NLN: variants seen among roughly 807,000 people sequenced by gnomAD.
The protein encoded by NLN is neurolysin.
NLN carries 64 observed loss-of-function variants against 79.9 expected under a neutral mutation model. That is an observed-to-expected ratio of 0.80 (90% CI 0.65 to 0.99). The LOEUF (loss-of-function observed/expected upper bound fraction) is 0.99. Among genes scored for constraint, NLN ranks in the 50% least tolerant of loss-of-function variants. The pLI is 0.00. For synonymous variants in NLN, 267 were observed against 296.6 expected (o/e 0.90, Z 1.02); for missense variants, 835 against 858.7 (o/e 0.97, Z 0.34).
chr5:65,780,631 T>C (rs1318776856), intron 5 of NLN, among the ~76,000 whole-genome samples: 1 of 152,132 alleles, frequency 6.6e-6, no homozygotes, highest in African/African-American at 2.4e-5. Context: ...GCATTGTATC[T>C]TAAACTAGTC....
rs1003409113 is a variant in NLN, at chr5:65,823,275, T to C, written c.*360T>C. 6.1e-6 allele frequency: 1 copy of C among 164,602 alleles called. No homozygotes were observed. The highest frequency in any genetic ancestry group is 2.4e-5 in the African/African-American group (1 of 41,644). 10.2% of individuals were successfully genotyped at this position (164,602 alleles called of 1,614,324 possible). A position where few individuals can be genotyped will look rare whatever the true frequency, so the allele number is the denominator to read the frequency against. ...TATATATGATATAATTTGATCCTTC[T>C]TGTATCTTGAAGTTTTGTACTTGGG... On this transcript the variant is annotated 3_prime_UTR_variant, in exon 13 of 13. Coordinates refer to ENST00000380985, the MANE Select transcript of NLN (RefSeq NM_020726.5).
intron 1 of NLN, among the ~76,000 whole-genome samples, chr5:65,727,923 C>T (rs574956952): frequency 7.9e-5 from 12 of 152,208 alleles, no homozygotes; most frequent in Admixed American, 2.0e-4. Context: ...CCCACAACCA[C>T]GCCTGGCTGA....
At chr5:65,777,276 G>T (rs1759699527) in intron 3 of NLN, 151 bp from the exon 4 acceptor site, 3 of 604,594 alleles carry the variant, frequency 5.0e-6, no homozygotes, top group South Asian at 4.2e-5. Flanking sequence ...AAGTATAAAA[G>T]AAATTAGGTC....
At chr5:65,819,357 C>G (rs1218050917) in intron 12 of NLN, among the ~76,000 whole-genome samples, 2 of 152,258 alleles carry the variant, frequency 1.3e-5, no homozygotes, top group East Asian at 3.9e-4. Context: ...ATCACCTCCT[C>G]CAACTGCCCA....
chr5:65,723,863 A>G (rs1001325558), intron 1 of NLN, among the ~76,000 whole-genome samples: 1 of 147,726 alleles, frequency 6.8e-6, no homozygotes, highest in African/African-American at 2.5e-5. Flanking sequence ...TTTTATTCTC[A>G]GGACCCCTTT....
At position 65,809,513 on chromosome 5, in the gene NLN, A is replaced by G; in HGVS notation, c.1528-2A>G. 6.3e-7 allele frequency: 1 copy of G among 1,589,252 alleles called. No homozygotes were observed. The highest frequency in any genetic ancestry group is 8.5e-7 in the Non-Finnish European group (1 of 1,171,016). On this transcript the variant is annotated splice_acceptor_variant, in intron 9 of 12. Coordinates refer to ENST00000380985, the MANE Select transcript of NLN (RefSeq NM_020726.5). LOFTEE classifies it high-confidence loss of function. ...AAAAAATTCTCTGTGTTTGCTTTCT[A>G]GACTGATTTTGCACGATTTAGCGGA... is the stretch of plus-strand genomic sequence containing the variant.
chr5:65,746,458 G>A (rs577189148), intron 1 of NLN, among the ~76,000 whole-genome samples: 50 of 152,290 alleles, frequency 3.3e-4, no homozygotes, highest in Non-Finnish European at 5.6e-4. Flanking sequence ...CTTGGTGAGA[G>A]CAGTTTCCAT....
intron 9 of NLN, among the ~76,000 whole-genome samples, chr5:65,794,325 G>A (rs746027005): frequency 2.0e-5 from 3 of 152,056 alleles, no homozygotes; most frequent in Non-Finnish European, 2.9e-5. Flanking sequence ...AAAATGCTTC[G>A]CAAGGCTAGG....
intron 7 of NLN, 65 bp downstream of exon 7, chr5:65,785,975 A>G (rs1759912840): frequency 7.0e-7 from 1 of 1,430,008 alleles, no homozygotes; most frequent in Non-Finnish European, 9.7e-7. Context: ...AGAAGGCCTC[A>G]GAACATAATA....
At chr5:65,781,917 T>A (rs1759807923) in intron 6 of NLN, among the ~76,000 whole-genome samples, 1 of 152,190 alleles carries the variant, frequency 6.6e-6, no homozygotes, top group Non-Finnish European at 1.5e-5. Context: ...TGGTTGTAGC[T>A]TCTCATAATC....
At chr5:65,772,419 G>A (rs185869671) in intron 3 of NLN, among the ~76,000 whole-genome samples, 18 of 152,206 alleles carry the variant, frequency 1.2e-4, no homozygotes, top group African/African-American at 4.1e-4. Context: ...GCAACCTTAC[G>A]CTGTGGCTCA....
chr5:65,750,544 CA>C (rs1759082128), intron 1 of NLN, among the ~76,000 whole-genome samples: 1 of 151,952 alleles, frequency 6.6e-6, no homozygotes, highest in Non-Finnish European at 1.5e-5. Context: ...AGCAAGACTC[CA>C]TCTCTACTAA....
intron 9 of NLN, among the ~76,000 whole-genome samples, chr5:65,795,668 C>G (rs1165710784): frequency 2.6e-5 from 4 of 152,206 alleles, no homozygotes; most frequent in Non-Finnish European, 5.9e-5. Flanking sequence ...GCCAGGGTGA[C>G]AGAGTGAGAC....
At chr5:65,731,145 T>A (rs1758595037) in intron 1 of NLN, among the ~76,000 whole-genome samples, 1 of 152,240 alleles carries the variant, frequency 6.6e-6, no homozygotes. Context: ...TATTTGGCCC[T>A]CTTTCCTGTG....
At chr5:65,792,174 A>T (rs954534355) in intron 8 of NLN, among the ~76,000 whole-genome samples, 1 of 152,206 alleles carries the variant, frequency 6.6e-6, no homozygotes, top group Non-Finnish European at 1.5e-5. Context: ...ATTAAAATAA[A>T]TTGGACATTC....
rs1174684587 is a variant in NLN at position 65,829,039 on chromosome 5, T to C, written c.*6124T>C. On this transcript the variant is annotated 3_prime_UTR_variant, in exon 13 of 13. Coordinates refer to ENST00000380985, the MANE Select transcript of NLN (RefSeq NM_020726.5). ...AGTAAAGCAAAAGACTGTTAGAGAA[T>C]GAGTAAACGTTCGTTTTCCTCCCTA... is the stretch of plus-strand genomic sequence containing the variant. 1 of 152,196 alleles carries C rather than the reference T, an allele frequency of 6.6e-6. No homozygotes were observed. The highest frequency in any genetic ancestry group is 1.5e-5 in the Non-Finnish European group (1 of 68,042). 9.4% of individuals were successfully genotyped at this position (152,196 alleles called of 1,614,324 possible). A position where few individuals can be genotyped will look rare whatever the true frequency, so the allele number is the denominator to read the frequency against.
chr5:65,770,567 C>T (rs886168462), intron 3 of NLN, among the ~76,000 whole-genome samples: 2 of 152,186 alleles, frequency 1.3e-5, no homozygotes, highest in African/African-American at 4.8e-5. Flanking sequence ...TTGTGCACTG[C>T]TTCTAAGAGT....
In NLN at chr5:65,826,554, A is replaced by G. The variant is rs1382110102; in HGVS notation, c.*3639A>G. The G allele has an allele frequency of 6.6e-6, 1 of 152,230 alleles. No homozygotes were observed. The highest frequency in any genetic ancestry group is 1.5e-5 in the Non-Finnish European group (1 of 68,052). 9.4% of individuals were successfully genotyped at this position (152,230 alleles called of 1,614,324 possible). ...TACAGTTAGATGTCTCCCATCTGAA[A>G]TTGGATAGCCCACTGAAATTGAACA... is the stretch of plus-strand genomic sequence containing the variant. On this transcript the variant is annotated 3_prime_UTR_variant, in exon 13 of 13. Transcript: ENST00000380985.
In NLN at chr5:65,822,903, G is replaced by A. The variant is rs772704490; in HGVS notation, c.2103G>A (p.Leu701=). 1.7e-5 allele frequency: 27 copies of A among 1,613,388 alleles called. No homozygotes were observed. The Admixed American group carries it at 4.5e-4, about 27-fold the overall frequency. The change falls in exon 13 of 13, where the codon CTG becomes CTA. Residue 701 remains leucine, a synonymous_variant. Transcript: ENST00000380985. ...NQKAFLMSRG[L]HAP ...AAGCGTTCCTAATGAGTAGAGGCCT[G>A]CATGCTCCGTGAACTGGGGATCTTT... is the stretch of plus-strand genomic sequence containing the variant.
Sources: allele counts gnomAD v4.1 joint callset (sites outside exome capture counted in the v4.1 genomes callset), GRCh38; gene constraint gnomAD v4.1.1; transcripts MANE v1.5; gene names NCBI Gene and HGNC (gene_info 2026-07-23, HGNC 2026-07-21).